CNTNAP2: variants seen among roughly 807,000 people sequenced by gnomAD.
CNTNAP2 encodes contactin-associated protein-like 2.
In CNTNAP2, 98 loss-of-function variants were observed where a neutral mutation model predicts 155.2. The observed-to-expected ratio is 0.63, with a 90% CI of 0.54 to 0.75. CNTNAP2 has a LOEUF of 0.75. Ranked by LOEUF, CNTNAP2 falls within the 30% of genes least tolerant of loss-of-function variation. The pLI is 0.00. For missense variants in CNTNAP2, 1,727 were observed against 1,688.1 expected (o/e 1.02, Z -0.40); for synonymous variants, 651 against 631.2 (o/e 1.03, Z -0.47).
intron 3 of CNTNAP2, among the ~76,000 whole-genome samples, chr7:146,957,778 G>A (rs963863831): frequency 5.3e-5 from 8 of 151,980 alleles, no homozygotes; most frequent in African/African-American, 1.9e-4. Context: ...CACCTACTAT[G>A]TACCCACAGA....
At position 146,921,015 on chromosome 7, in the gene CNTNAP2, G is replaced by C. The variant is rs530848008; in HGVS notation, c.402+81111G>C. ...CAATGTTATGTAATTAGTAAAAAAT[G>C]GACATTCCACTGAAGCTCAAAGAGC... On this transcript the variant is annotated intron_variant, in intron 3 of 23. Transcript: ENST00000361727. 8.5e-5 allele frequency among the ~76,000 whole-genome samples: 13 copies of C among 152,268 alleles called. No homozygotes were observed. The East Asian group carries it at 2.5e-3, about 29-fold the overall frequency.
chr7:148,079,031 G>T (rs1803548430), intron 15 of CNTNAP2, among the ~76,000 whole-genome samples: 1 of 152,140 alleles, frequency 6.6e-6, no homozygotes, highest in African/African-American at 2.4e-5. Flanking sequence ...AATTCTCACT[G>T]CATATCGTTG....
intron 13 of CNTNAP2, among the ~76,000 whole-genome samples, chr7:147,809,348 C>T (rs1243039602): frequency 6.6e-6 from 1 of 152,210 alleles, no homozygotes; most frequent in Admixed American, 6.5e-5. Context: ...TGCATCAGTG[C>T]CAGACACAGT....
intron 10 of CNTNAP2, among the ~76,000 whole-genome samples, chr7:147,409,194 G>A (rs1040939154): frequency 4.6e-5 from 7 of 152,126 alleles, no homozygotes; most frequent in African/African-American, 7.2e-5. Flanking sequence ...GAGCAATAGA[G>A]AGTGGTAAAA....
At chr7:147,671,066 C>T (rs537647436) in intron 13 of CNTNAP2, among the ~76,000 whole-genome samples, 1 of 152,320 alleles carries the variant, frequency 6.6e-6, no homozygotes, top group African/African-American at 2.4e-5. Flanking sequence ...CCTCCACTTA[C>T]CCGTGTGCTC....
intron 3 of CNTNAP2, among the ~76,000 whole-genome samples, chr7:146,989,473 A>G (rs1025262210): frequency 1.3e-5 from 2 of 152,124 alleles, no homozygotes; most frequent in Middle Eastern, 3.2e-3. Context: ...GAAGTTCTTC[A>G]GTCAGGAAGA....
At chr7:146,842,599 A>C (rs1803750046) in intron 3 of CNTNAP2, among the ~76,000 whole-genome samples, 1 of 152,054 alleles carries the variant, frequency 6.6e-6, no homozygotes, top group Non-Finnish European at 1.5e-5. Context: ...GGCCTCAAGA[A>C]ACTTACTATC....
At chr7:148,354,691 T>G (rs1036781871) in intron 21 of CNTNAP2, among the ~76,000 whole-genome samples, 3 of 152,120 alleles carry the variant, frequency 2.0e-5, no homozygotes, top group Non-Finnish European at 4.4e-5. Flanking sequence ...TTCTTTTTTT[T>G]TTTTTAACCA....
At chr7:147,885,265 T>G (rs766312280) in intron 13 of CNTNAP2, among the ~76,000 whole-genome samples, 1 of 152,222 alleles carries the variant, frequency 6.6e-6, no homozygotes, top group Non-Finnish European at 1.5e-5. Flanking sequence ...TTGTCTCCCT[T>G]GTCCTTTTCT....
intron 3 of CNTNAP2, among the ~76,000 whole-genome samples, chr7:146,893,029 T>C (rs1263447629): frequency 1.3e-5 from 2 of 152,100 alleles, no homozygotes. Context: ...TAGGAAAAAA[T>C]ATATATTGTT....
At chr7:147,389,364 C>T (rs996720105) in intron 9 of CNTNAP2, among the ~76,000 whole-genome samples, 1 of 152,154 alleles carries the variant, frequency 6.6e-6, no homozygotes, top group Non-Finnish European at 1.5e-5. Flanking sequence ...GCTTTATATG[C>T]ACTTGGTTTT....
chr7:147,836,655 C>T (rs1408352721), intron 13 of CNTNAP2, among the ~76,000 whole-genome samples: 1 of 152,192 alleles, frequency 6.6e-6, no homozygotes, highest in Non-Finnish European at 1.5e-5. Context: ...GTCTTTCCTG[C>T]TGGACTGTCA....
chr7:147,244,897 A>T (rs2116645856), intron 8 of CNTNAP2, among the ~76,000 whole-genome samples: 1 of 152,192 alleles, frequency 6.6e-6, no homozygotes, highest in East Asian at 1.9e-4. Context: ...TACTCATTTT[A>T]ATAAGCTATA....
chr7:148,049,913 A>G (rs988092336), intron 15 of CNTNAP2, among the ~76,000 whole-genome samples: 1 of 152,228 alleles, frequency 6.6e-6, no homozygotes, highest in Admixed American at 6.5e-5. Flanking sequence ...CTGTAATCCC[A>G]GCACTTTGGG....
At chr7:146,862,615 C>T (rs941576029) in intron 3 of CNTNAP2, among the ~76,000 whole-genome samples, 1 of 152,194 alleles carries the variant, frequency 6.6e-6, no homozygotes, top group Admixed American at 6.6e-5. Context: ...CATAATGTTA[C>T]TTGGCTGTCT....
At chr7:147,771,968 C>T (rs1212748749) in intron 13 of CNTNAP2, among the ~76,000 whole-genome samples, 2 of 151,866 alleles carry the variant, frequency 1.3e-5, no homozygotes, top group Non-Finnish European at 2.9e-5. Context: ...TTTACCATTC[C>T]CTTATCCTGG....
chr7:146,402,838 G>A (rs1017370933), intron 1 of CNTNAP2, among the ~76,000 whole-genome samples: 10 of 152,014 alleles, frequency 6.6e-5, no homozygotes, highest in South Asian at 2.1e-4. Flanking sequence ...TGAATCTTCC[G>A]GTTGAATTTT....
intron 5 of CNTNAP2, 113 bp from the exon 6 acceptor site, chr7:147,120,866 A>G (rs928772310): frequency 1.0e-6 from 1 of 967,806 alleles, no homozygotes; most frequent in East Asian, 2.4e-5. Context: ...ACTCGAATGG[A>G]TAGAGCTTTG....
chr7:147,176,703 A>C (rs1802347304), intron 8 of CNTNAP2, among the ~76,000 whole-genome samples: 1 of 57,334 alleles, frequency 1.7e-5, no homozygotes, highest in East Asian at 1.1e-3. Context: ...ATTATATATT[A>C]TATATAATAG....
Sources: allele counts gnomAD v4.1 joint callset (sites outside exome capture counted in the v4.1 genomes callset), GRCh38; gene constraint gnomAD v4.1.1; transcripts MANE v1.5; gene names NCBI Gene and HGNC (gene_info 2026-07-23, HGNC 2026-07-21).